Variants in ANK3 observed in about 807,000 individuals in gnomAD.
ANK3 encodes the protein ankyrin-3.
A neutral mutation model predicts 370.9 loss-of-function variants in ANK3; 57 were observed. The ratio of observed to expected loss-of-function variants is 0.15; its 90% CI spans 0.12 to 0.19. The LOEUF is 0.19. Ranked by LOEUF, ANK3 falls within the 10% of genes least tolerant of loss-of-function variation. The pLI is 1.00. For synonymous variants in ANK3, 1,929 were observed against 1,946.3 expected (o/e 0.99, Z 0.23); for missense variants, 4,439 against 5,302.1 (o/e 0.84, Z 5.06).
intron 2 of ANK3, among the ~76,000 whole-genome samples, chr10:60,423,035 CT>C (rs958805008): frequency 6.6e-6 from 1 of 151,994 alleles, no homozygotes; most frequent in African/African-American, 2.4e-5. Flanking sequence ...GTTACTACCC[CT>C]GACCTCCACC....
chr10:60,247,280 G>T (rs2097570556), intron 7 of ANK3, among the ~76,000 whole-genome samples: 1 of 152,158 alleles, frequency 6.6e-6, no homozygotes. Context: ...GCCTCCCAAA[G>T]TGCTGGGATT....
chr10:60,055,207 A>T (rs1165304508), intron 42 of ANK3, among the ~76,000 whole-genome samples: 4 of 152,164 alleles, frequency 2.6e-5, no homozygotes, highest in Non-Finnish European at 5.9e-5. Context: ...GACCATACAG[A>T]ACAGAACTTA....
At chr10:60,473,933 C>T (rs2074985147) in intron 2 of ANK3, among the ~76,000 whole-genome samples, 1 of 142,452 alleles carries the variant, frequency 7.0e-6, no homozygotes, top group South Asian at 2.2e-4. Context: ...AGTTCAAGAC[C>T]AGCCTGGGCA....
At chr10:60,430,434 A>G (rs2063990351) in intron 2 of ANK3, among the ~76,000 whole-genome samples, 1 of 151,998 alleles carries the variant, frequency 6.6e-6, no homozygotes, top group South Asian at 2.1e-4. Context: ...CTGTTCATCA[A>G]CTCCAAACTG....
At chr10:60,396,955 A>G (rs567122646) in intron 2 of ANK3, among the ~76,000 whole-genome samples, 23 of 152,224 alleles carry the variant, frequency 1.5e-4, no homozygotes, top group South Asian at 6.2e-4. Flanking sequence ...CTTTTATGTT[A>G]GTGAGTTCTG....
intron 1 of ANK3, among the ~76,000 whole-genome samples, chr10:60,346,995 T>C (rs1431290084): frequency 7.6e-6 from 1 of 131,868 alleles, no homozygotes; most frequent in Non-Finnish European, 1.6e-5. Flanking sequence ...CATCTATTAG[T>C]AGCTTTTTTA....
At chr10:60,325,934 G>A (rs1297872857) in intron 1 of ANK3, among the ~76,000 whole-genome samples, 1 of 152,118 alleles carries the variant, frequency 6.6e-6, no homozygotes, top group Non-Finnish European at 1.5e-5. Flanking sequence ...ATACACCATG[G>A]GATACTATGC....
chr10:60,730,321 C>A (rs572644389), intron 1 of ANK3, among the ~76,000 whole-genome samples: 7 of 152,144 alleles, frequency 4.6e-5, no homozygotes, highest in Admixed American at 1.3e-4. Flanking sequence ...CCATGCCCTA[C>A]TAATTTTTTC....
chr10:60,100,234 G>GTTTTTTTTTTTTTGTTTTT (rs2090971296), intron 28 of ANK3, among the ~76,000 whole-genome samples: 1 of 57,898 alleles, frequency 1.7e-5, no homozygotes, highest in Non-Finnish European at 2.8e-5. Context: ...TTTTGCTATG[G>GTTTTTTTTTTTTTGTTTTT]TTTTTTTTTT....
intron 2 of ANK3, among the ~76,000 whole-genome samples, chr10:60,547,139 G>T (rs1468647273): frequency 1.5e-5 from 2 of 134,822 alleles, no homozygotes; most frequent in East Asian, 4.3e-4. Context: ...CTCCCAGGCT[G>T]CAGTGCAGTG....
At chr10:60,348,663 C>T (rs2056225551) in intron 1 of ANK3, among the ~76,000 whole-genome samples, 1 of 152,138 alleles carries the variant, frequency 6.6e-6, no homozygotes, top group Non-Finnish European at 1.5e-5. Flanking sequence ...TTGGTAGCGG[C>T]TAACAGCAGT....
intron 8 of ANK3, among the ~76,000 whole-genome samples, chr10:60,215,845 C>T (rs909516723): frequency 8.5e-5 from 13 of 152,150 alleles, no homozygotes; most frequent in African/African-American, 3.1e-4. Flanking sequence ...TCTTTGATTC[C>T]ATATGACATT....
intron 1 of ANK3, among the ~76,000 whole-genome samples, chr10:60,697,012 T>C (rs998974028): frequency 2.8e-5 from 4 of 144,478 alleles, no homozygotes; most frequent in African/African-American, 1.0e-4. Flanking sequence ...CCCCATTGTC[T>C]CAGCCCAAAA....
At chr10:60,705,997 A>AT (rs1313710229) in intron 1 of ANK3, among the ~76,000 whole-genome samples, 2 of 151,290 alleles carry the variant, frequency 1.3e-5, no homozygotes, top group African/African-American at 4.9e-5. Flanking sequence ...TAATTTTTGT[A>AT]TTTTTTTGTA....
chr10:60,172,814 A>G, intron 20 of ANK3, 86 bp downstream of exon 20: 3 of 802,614 alleles, frequency 3.7e-6, no homozygotes, highest in Non-Finnish European at 6.2e-6. Flanking sequence ...CTCTTCATGA[A>G]AGTACAATGA....
intron 43 of ANK3, among the ~76,000 whole-genome samples, chr10:60,039,363 G>A (rs1564550105): frequency 6.6e-6 from 1 of 152,048 alleles, no homozygotes; most frequent in Non-Finnish European, 1.5e-5. Flanking sequence ...TTTTATCTGG[G>A]GATCTTCCCT....
At chr10:60,425,815 G>A (rs769217251) in intron 2 of ANK3, among the ~76,000 whole-genome samples, 1 of 152,066 alleles carries the variant, frequency 6.6e-6, no homozygotes, top group Non-Finnish European at 1.5e-5. Context: ...AGATAACCAA[G>A]GGGTAAGAAG....
chr10:60,281,483 T>C (rs1481261815), intron 1 of ANK3, among the ~76,000 whole-genome samples: 6 of 152,290 alleles, frequency 3.9e-5, no homozygotes, highest in African/African-American at 1.4e-4. Context: ...TACATAAAGA[T>C]TGTACACTTG....
rs574183139 is a variant in ANK3, at chr10:60,493,488, G to C, written c.96+121698C>G. On this transcript the variant is annotated intron_variant, in intron 2 of 43. Transcript: ENST00000373827. ...GAATTTGGTTCCTGACTCATTCAGTGGTCATGGATGACCCTTAGGGTTGTA... is the reference window on the plus strand; with the variant it reads ...GAATTTGGTTCCTGACTCATTCAGTCGTCATGGATGACCCTTAGGGTTGTA... 2.5e-3 allele frequency among the ~76,000 whole-genome samples: 382 copies of C among 152,222 alleles called. 1 individual carries two copies. Among genetic ancestry groups the C allele is most frequent in the Non-Finnish European group, 4.3e-3 (295 of 68,012 alleles).
Sources: allele counts gnomAD v4.1 joint callset (sites outside exome capture counted in the v4.1 genomes callset), GRCh38; gene constraint gnomAD v4.1.1; transcripts MANE v1.5; gene names NCBI Gene and HGNC (gene_info 2026-07-23, HGNC 2026-07-21).